The following CD99 variants were observed in gnomAD, a reference collection of about 807,000 sequenced individuals.
CD99 encodes CD99 molecule (Xg blood group).
A neutral mutation model predicts 28.4 loss-of-function variants in CD99; 19 were observed. That is an observed-to-expected ratio of 0.67 (90% CI 0.47 to 0.98). The LOEUF (loss-of-function observed/expected upper bound fraction) is 0.98, where lower values mean the gene tolerates loss of function less well. Among genes scored for constraint, CD99 ranks in the 50% least tolerant of loss-of-function variants. The pLI is 0.00. For missense variants in CD99, 283 were observed against 248.8 expected (o/e 1.14, Z -0.92); for synonymous variants, 103 against 92.1 (o/e 1.12, Z -0.67).
intron 8 of CD99, among the ~76,000 whole-genome samples, chrX:2,730,564 A>G (rs2049546468): frequency 6.6e-6 from 1 of 152,086 alleles, no homozygotes; most frequent in Admixed American, 6.6e-5. Context: ...TGCTAGGCTA[A>G]TTTTCTTCTA....
In CD99 at chrX:2,709,071, G is replaced by C. The variant is rs1009912273; in HGVS notation, c.68-5351G>C. 5.7e-4 allele frequency among the ~76,000 whole-genome samples: 87 copies of C among 152,334 alleles called. 1 individual carries two copies. The highest frequency in any genetic ancestry group is 8.3e-4 in the South Asian group (4 of 4,830). ...CAGTGGCTATGACCAGGGAAGTCAT[G>C]TGGAGGAAAAGGCTGGTGGACTCTG... On this transcript the variant is annotated intron_variant, in intron 1 of 9. Coordinates refer to ENST00000381192, the MANE Select transcript of CD99 (RefSeq NM_002414.5).
intron 9 of CD99, 170 bp from the exon 10 acceptor site, chrX:2,740,609 A>AAATTGATTG (rs1332393058): frequency 5.7e-6 from 1 of 175,930 alleles, no homozygotes; most frequent in African/African-American, 2.4e-5. Flanking sequence ...TCATTCAATG[A>AAATTGATTG]AATTGATTGA....
At chrX:2,719,744 CTTA>C in intron 4 of CD99, 39 bp downstream of exon 4, 1 of 1,566,470 alleles carries the variant, frequency 6.4e-7, no homozygotes, top group Non-Finnish European at 8.8e-7. Flanking sequence ...TGCTGATCTG[CTTA>C]TTATCACCCA....
At chrX:2,707,058 G>A (rs1350848545) in intron 1 of CD99, among the ~76,000 whole-genome samples, 11 of 152,264 alleles carry the variant, frequency 7.2e-5, no homozygotes, top group East Asian at 1.9e-4. Flanking sequence ...GTTCGGGCGC[G>A]GCGGCTCACA....
intron 8 of CD99, among the ~76,000 whole-genome samples, chrX:2,732,071 A>G (rs2049640574): frequency 6.6e-6 from 1 of 152,148 alleles, no homozygotes; most frequent in South Asian, 2.1e-4. Context: ...TTTAATGGCA[A>G]AAACCACAAT....
At position 2,705,382 on chromosome X, in the gene CD99, A is replaced by G. The variant is rs1274884927; in HGVS notation, c.68-9040A>G. Among the ~76,000 whole-genome samples, 6 of 152,342 alleles carry G rather than the reference A, an allele frequency of 3.9e-5. No individual in the cohort carries two copies. The East Asian group carries it at 1.2e-3, about 29-fold the overall frequency. ...CTCTGGTGTATTCCTGAAACTATTT[A>G]TGACACTATTAAGCTCTTTTCTGTA... On this transcript the variant is annotated intron_variant, in intron 1 of 9. Coordinates refer to ENST00000381192, the MANE Select transcript of CD99 (RefSeq NM_002414.5).
chrX:2,708,081 G>C (rs767825094), intron 1 of CD99, among the ~76,000 whole-genome samples: 8 of 152,232 alleles, frequency 5.3e-5, no homozygotes, highest in African/African-American at 1.4e-4. Context: ...CCAATAGCAC[G>C]TGCATTTGCA....
chrX:2,700,373 G>C (rs2047787961), intron 1 of CD99, among the ~76,000 whole-genome samples: 1 of 151,924 alleles, frequency 6.6e-6, no homozygotes, highest in Admixed American at 6.6e-5. Flanking sequence ...ATCCATTTAT[G>C]CATCCATGCA....
chrX:2,711,406 T>C (rs2048403062), intron 1 of CD99, among the ~76,000 whole-genome samples: 1 of 126,412 alleles, frequency 7.9e-6, no homozygotes, highest in African/African-American at 3.5e-5. Flanking sequence ...ATAGTATGTG[T>C]GTGTATTATA....
chrX:2,723,388 T>G (rs200873992), intron 7 of CD99, 24 bp downstream of exon 7: 2 of 1,613,454 alleles, frequency 1.2e-6, no homozygotes, highest in South Asian at 2.2e-5. Flanking sequence ...GCTTCTGTCT[T>G]CTTGTCTCTC....
At chrX:2,713,361 CA>C (rs2048532652) in intron 1 of CD99, among the ~76,000 whole-genome samples, 1 of 151,368 alleles carries the variant, frequency 6.6e-6, no homozygotes. Flanking sequence ...TCCACACTTA[CA>C]CAAAACACGC....
At chrX:2,698,966 A>G (rs906509271) in intron 1 of CD99, among the ~76,000 whole-genome samples, 16 of 148,756 alleles carry the variant, frequency 1.1e-4, no homozygotes, top group Non-Finnish European at 2.2e-4. Context: ...TTGCTCTGTC[A>G]CCCAGGCTGG....
At chrX:2,733,395 A>T in intron 8 of CD99, 1 of 1,591,396 alleles carries the variant, frequency 6.3e-7, no homozygotes. Flanking sequence ...AACCCAGCCC[A>T]GGCCTGCGGA....
In CD99 at chrX:2,726,928, G is replaced by A. The variant is rs185892603; in HGVS notation, c.475+555G>A. Among the ~76,000 whole-genome samples the A allele has an allele frequency of 4.5e-3, 691 of 152,270 alleles. 29 individuals are homozygous for A. In the East Asian group the frequency reaches 0.1, roughly 22 times the overall value. On this transcript the variant is annotated intron_variant, in intron 8 of 9. Coordinates refer to ENST00000381192, the MANE Select transcript of CD99 (RefSeq NM_002414.5). ...GACGGGCGGATCACGAGGTCAGGAG[G>A]AGATCGAGACCATCCTGGGTAACAT... is the stretch of plus-strand genomic sequence containing the variant.
chrX:2,720,365 G>A lies in CD99; in HGVS notation c.203G>A (p.Arg68Gln), dbSNP rs768811289. Reference sequence around the variant, plus strand: ...CATCTTTCACAAACAGACGACCCACGACCACCGAACCCACCCAAACCGATG... The same window carrying A: ...CATCTTTCACAAACAGACGACCCACAACCACCGAACCCACCCAAACCGATG... ...AVVDGENDDP[R>Q]PPNPPKPMPN... The change falls in exon 5 of 10, where the codon CGA becomes CAA. Residue 68 changes from arginine to glutamine, a missense_variant. Coordinates refer to ENST00000381192, the MANE Select transcript of CD99 (RefSeq NM_002414.5). 2.5e-5 allele frequency: 40 copies of A among 1,613,342 alleles called. No individual in the cohort carries two copies. Among genetic ancestry groups the A allele is most frequent in the African/African-American group, 4.0e-5 (3 of 74,746 alleles).
chrX:2,740,957 T>C lies in CD99; in HGVS notation c.*153T>C. On this transcript the variant is annotated 3_prime_UTR_variant, in exon 10 of 10. Coordinates refer to ENST00000381192, the MANE Select transcript of CD99 (RefSeq NM_002414.5). ...TTAATCTTGCGATGTGCTTTGCTTG[T>C]TGCTGGGCGGATGATGTTTACTAAC... 1.2e-6 allele frequency: 1 copy of C among 864,202 alleles called. No homozygotes were observed. The highest frequency in any genetic ancestry group is 1.9e-6 in the Non-Finnish European group (1 of 515,290). The allele number at this position is 864,202 out of a possible 1,614,324, so 53.5% of individuals were successfully genotyped here. A position where few individuals can be genotyped will look rare whatever the true frequency, so the allele number is the denominator to read the frequency against.
intron 7 of CD99, among the ~76,000 whole-genome samples, chrX:2,725,700 G>T (rs1307120966): frequency 2.6e-5 from 4 of 152,114 alleles, no homozygotes; most frequent in Admixed American, 2.0e-4. Context: ...TGCAACCTCT[G>T]CCTCCCAGGT....
At chrX:2,723,271 G>C (rs1348032967) in intron 6 of CD99, 43 bp from the exon 7 acceptor site, 2 of 1,610,740 alleles carry the variant, frequency 1.2e-6, no homozygotes, top group Non-Finnish European at 1.7e-6. Flanking sequence ...ATTTTTCCTT[G>C]ACCCCAAACC....
intron 3 of CD99, among the ~76,000 whole-genome samples, chrX:2,718,380 T>C (rs1392142581): frequency 6.6e-6 from 1 of 150,848 alleles, no homozygotes; most frequent in Non-Finnish European, 1.5e-5. Context: ...TTTTTTTTTT[T>C]TTTTTTGAGA....
Sources: allele counts gnomAD v4.1 joint callset (sites outside exome capture counted in the v4.1 genomes callset), GRCh38; gene constraint gnomAD v4.1.1; transcripts MANE v1.5; gene names NCBI Gene and HGNC (gene_info 2026-07-23, HGNC 2026-07-21).